The following BZW2 variants were observed in gnomAD, a reference collection of about 807,000 sequenced individuals.
BZW2 encodes the protein basic leucine zipper and W2 domains 2.
BZW2 carries 23 observed loss-of-function variants against 53.2 expected under a neutral mutation model. The observed-to-expected ratio is 0.43, with a 90% CI of 0.31 to 0.61. BZW2 has a LOEUF of 0.61. Among genes scored for constraint, BZW2 ranks in the 20% least tolerant of loss-of-function variants. The pLI, the probability that BZW2 is intolerant of heterozygous loss-of-function variation, is 0.09. For synonymous variants in BZW2, 227 were observed against 186.4 expected, an observed-to-expected ratio of 1.22 and a Z score of -1.77; for missense variants, 409 against 503.1, an observed-to-expected ratio of 0.81 and a Z score of 1.79.
intron 7 of BZW2, among the ~76,000 whole-genome samples, chr7:16,690,326 C>T (rs556269079): frequency 5.9e-5 from 9 of 152,130 alleles, no homozygotes; most frequent in East Asian, 1.9e-4. Context: ...CTCAGCCTCC[C>T]GAGTAGGTGG....
intron 10 of BZW2, among the ~76,000 whole-genome samples, chr7:16,700,032 A>G (rs1466162881): frequency 6.6e-6 from 1 of 152,194 alleles, no homozygotes; most frequent in Non-Finnish European, 1.5e-5. Flanking sequence ...TGTGGCAAGT[A>G]TGACCTGGCC....
chr7:16,681,183 C>T, intron 3 of BZW2, 118 bp from the exon 4 acceptor site: 2 of 799,292 alleles, frequency 2.5e-6, no homozygotes, highest in South Asian at 3.5e-5. Flanking sequence ...TTTTATGTGA[C>T]TCTTAGATTT....
At chr7:16,658,001 G>T (rs1782161791) in intron 1 of BZW2, among the ~76,000 whole-genome samples, 1 of 152,136 alleles carries the variant, frequency 6.6e-6, no homozygotes, top group Non-Finnish European at 1.5e-5. Context: ...CTACAATGTG[G>T]GTAGTGTATA....
intron 6 of BZW2, chr7:16,687,098 T>C (rs1783150453): frequency 6.6e-6 from 1 of 152,226 alleles, no homozygotes; most frequent in Non-Finnish European, 1.5e-5. Context: ...CCTTTCTAGT[T>C]TTTTTAAAAA....
At chr7:16,658,097 C>G (rs1357124728) in intron 1 of BZW2, among the ~76,000 whole-genome samples, 1 of 152,130 alleles carries the variant, frequency 6.6e-6, no homozygotes, top group African/African-American at 2.4e-5. Flanking sequence ...AGCTGGCTAG[C>G]CCTTGGGGGA....
At chr7:16,651,876 A>C (rs1280260096) in intron 1 of BZW2, among the ~76,000 whole-genome samples, 1 of 152,218 alleles carries the variant, frequency 6.6e-6, no homozygotes, top group Non-Finnish European at 1.5e-5. Context: ...ACTTTAAATT[A>C]ATATTTATGC....
intron 1 of BZW2, among the ~76,000 whole-genome samples, chr7:16,662,906 AC>A (rs1157933482): frequency 6.6e-6 from 1 of 152,180 alleles, no homozygotes; most frequent in African/African-American, 2.4e-5. Flanking sequence ...TTGGTACAAG[AC>A]CCAACACCCA....
chr7:16,682,376 G>A (rs1416039326), intron 4 of BZW2, among the ~76,000 whole-genome samples: 1 of 152,146 alleles, frequency 6.6e-6, no homozygotes, highest in Admixed American at 6.5e-5. Flanking sequence ...CTAGAAACAT[G>A]TTTGTTGTCC....
intron 2 of BZW2, among the ~76,000 whole-genome samples, chr7:16,667,497 G>A (rs1782466494): frequency 6.6e-6 from 1 of 152,188 alleles, no homozygotes; most frequent in Non-Finnish European, 1.5e-5. Flanking sequence ...GACTTTATAT[G>A]CCTTTGGCAG....
intron 1 of BZW2, among the ~76,000 whole-genome samples, chr7:16,656,762 T>G (rs1324551290): frequency 1.3e-5 from 2 of 152,216 alleles, no homozygotes; most frequent in Admixed American, 6.5e-5. Context: ...ACTGAAAAAT[T>G]TGTTTTCTTT....
intron 7 of BZW2, among the ~76,000 whole-genome samples, chr7:16,693,916 T>G (rs1562495328): frequency 1.3e-5 from 2 of 152,196 alleles, no homozygotes; most frequent in Admixed American, 6.5e-5. Context: ...CTATAGGTGG[T>G]GGCAAACCCA....
intron 3 of BZW2, among the ~76,000 whole-genome samples, chr7:16,678,419 A>C (rs956181834): frequency 6.6e-6 from 1 of 152,166 alleles, no homozygotes; most frequent in African/African-American, 2.4e-5. Context: ...TAAATGTATT[A>C]AGTTCACTTC....
chr7:16,695,192 A>G (rs1783440324), intron 8 of BZW2, among the ~76,000 whole-genome samples, 188 bp downstream of exon 8: 1 of 152,042 alleles, frequency 6.6e-6, no homozygotes, highest in Admixed American at 6.6e-5. Context: ...TTTTGTTAAC[A>G]CTCTAGGATG....
intron 3 of BZW2, among the ~76,000 whole-genome samples, chr7:16,676,365 G>A (rs1186016): frequency 1.3e-5 from 2 of 152,018 alleles, no homozygotes; most frequent in Non-Finnish European, 2.9e-5. Context: ...CCTGACCAAC[G>A]TGGAGAAACC....
At position 16,706,077 on chromosome 7, in the gene BZW2, G is replaced by A. The variant is rs1358071160; in HGVS notation, c.1249G>A (p.Glu417Lys). Residue 417 changes from glutamate (E) to lysine (K), a missense_variant, in exon 12 of 12, where the codon GAG becomes AAG. Around this residue, in one of 3 missense-constraint regions of BZW2, gnomAD observed 88 missense variants for 114.6 expected, o/e 0.77. Transcript: ENST00000258761. ...NAEEESESEG[E>K]EN is the part of the protein sequence containing the mutation. Reference sequence around the variant, plus strand: ...TCTCCTAGAATCCGAATCGGAAGGTGAGGAAAATTAAATGGCTCAACAAGC... The same window carrying A: ...TCTCCTAGAATCCGAATCGGAAGGTAAGGAAAATTAAATGGCTCAACAAGC... 2 of 1,613,586 alleles carry A rather than the reference G, an allele frequency of 1.2e-6. No individual in the cohort carries two copies. Among genetic ancestry groups the A allele is most frequent in the Non-Finnish European group, 1.7e-6 (2 of 1,179,816 alleles).
intron 10 of BZW2, among the ~76,000 whole-genome samples, chr7:16,702,429 A>G (rs1032360577): frequency 6.6e-6 from 1 of 152,224 alleles, no homozygotes; most frequent in Non-Finnish European, 1.5e-5. Flanking sequence ...CGCCGTTAAT[A>G]TGTAGACTTA....
chr7:16,681,453 C>G (rs1373267273), intron 4 of BZW2, 49 bp downstream of exon 4: 3 of 1,478,146 alleles, frequency 2.0e-6, no homozygotes, highest in East Asian at 2.3e-5. Context: ...CTGAGGAAAA[C>G]TCTATAGAAG....
intron 1 of BZW2, among the ~76,000 whole-genome samples, chr7:16,657,458 G>T (rs2128351273): frequency 6.6e-6 from 1 of 152,202 alleles, no homozygotes; most frequent in East Asian, 1.9e-4. Flanking sequence ...TTCCATTGAT[G>T]CAATATCCTA....
At chr7:16,698,684 A>G (rs1783578135) in intron 10 of BZW2, among the ~76,000 whole-genome samples, 1 of 152,142 alleles carries the variant, frequency 6.6e-6, no homozygotes, top group Non-Finnish European at 1.5e-5. Flanking sequence ...TTTCACATTT[A>G]CTGTCTTTTC....
Sources: gnomAD v4.1 joint callset for allele counts (sites outside exome capture counted in the v4.1 genomes callset) on GRCh38, gnomAD v4.1.1 for gene constraint, gnomAD v4.1.1 regional missense constraint, MANE v1.5 for transcripts, NCBI Gene and HGNC (gene_info 2026-07-23, HGNC 2026-07-21) for gene names.